DIAPH3: variants seen among roughly 807,000 people sequenced by gnomAD.
DIAPH3 encodes diaphanous related formin 3.
In DIAPH3, 117 loss-of-function variants were observed where a neutral mutation model predicts 144.3. That is an observed-to-expected ratio of 0.81 (90% CI 0.70 to 0.95). The LOEUF (loss-of-function observed/expected upper bound fraction) is 0.95. DIAPH3 is among the 40% of genes least tolerant of loss of function. The probability of loss-of-function intolerance (pLI) is 0.00; values close to 1 mark genes in which losing one functional copy is unlikely to be tolerated. For synonymous variants in DIAPH3, 519 were observed against 488.9 expected, an observed-to-expected ratio of 1.06 and a Z score of -0.81; for missense variants, 1,421 against 1,412.7, an observed-to-expected ratio of 1.01 and a Z score of -0.09.
intron 9 of DIAPH3, among the ~76,000 whole-genome samples, chr13:60,000,159 T>A (rs1321950601): frequency 6.6e-6 from 1 of 152,126 alleles, no homozygotes; most frequent in Non-Finnish European, 1.5e-5. Context: ...GAGACACCAA[T>A]AGCCTGGATT....
chr13:59,762,102 A>T (rs1272052774), intron 27 of DIAPH3, among the ~76,000 whole-genome samples: 2 of 115,142 alleles, frequency 1.7e-5, no homozygotes, highest in Admixed American at 1.3e-4. Context: ...CTCTGTTGCC[A>T]GGCTGAAGTG....
At position 59,987,282 on chromosome 13, in the gene DIAPH3, A is replaced by G. The variant is rs868177584; in HGVS notation, c.1362-3395T>C. 5.3e-5 allele frequency among the ~76,000 whole-genome samples: 8 copies of G among 151,022 alleles called. No individual in the cohort carries two copies. In the South Asian group the frequency reaches 1.7e-3, roughly 32 times the overall value. The stretch of plus-strand genomic sequence containing the variant: ...TAGGTGGGAACTGAACAATGAGATC[A>G]CATGGACACATGAAGGGGAATATCA... On this transcript the variant is annotated intron_variant, in intron 12 of 27. Coordinates refer to ENST00000400324, the MANE Select transcript of DIAPH3 (RefSeq NM_001042517.2).
intron 17 of DIAPH3, among the ~76,000 whole-genome samples, chr13:59,958,892 T>TG (rs2049573192): frequency 6.8e-6 from 1 of 147,410 alleles, no homozygotes; most frequent in African/African-American, 2.5e-5. Flanking sequence ...TTTTTTTTTT[T>TG]GAGATAGAGT....
chr13:59,869,112 G>A (rs547855396), intron 21 of DIAPH3, among the ~76,000 whole-genome samples: 7 of 152,136 alleles, frequency 4.6e-5, no homozygotes, highest in Non-Finnish European at 1.0e-4. Context: ...TTTGTTCTAC[G>A]TGTAGCTTTG....
chr13:59,924,550 G>C (rs1463803404), intron 18 of DIAPH3, among the ~76,000 whole-genome samples: 1 of 150,384 alleles, frequency 6.6e-6, no homozygotes. Flanking sequence ...ATGAAAGGTA[G>C]AATTTCATTT....
chr13:59,834,437 A>T (rs964323425), intron 23 of DIAPH3, among the ~76,000 whole-genome samples: 1 of 94,496 alleles, frequency 1.1e-5, no homozygotes, highest in Non-Finnish European at 2.1e-5. Context: ...CTAAAAATGG[A>T]ATTTTTATAT....
chr13:59,689,830 T>C (rs1253796281), intron 27 of DIAPH3, among the ~76,000 whole-genome samples: 1 of 151,736 alleles, frequency 6.6e-6, no homozygotes, highest in Non-Finnish European at 1.5e-5. Context: ...ATGCAAGTGA[T>C]GCTTTAAGTA....
chr13:59,896,256 G>C (rs1382509459), intron 20 of DIAPH3, among the ~76,000 whole-genome samples: 1 of 152,086 alleles, frequency 6.6e-6, no homozygotes, highest in Non-Finnish European at 1.5e-5. Flanking sequence ...AACATACTTT[G>C]TGAACTGTAA....
intron 20 of DIAPH3, among the ~76,000 whole-genome samples, chr13:59,910,326 G>A (rs1249161288): frequency 6.6e-6 from 1 of 151,998 alleles, no homozygotes; most frequent in Non-Finnish European, 1.5e-5. Flanking sequence ...GGGAAATAAA[G>A]AAAAAAGAAA....
intron 22 of DIAPH3, among the ~76,000 whole-genome samples, chr13:59,844,633 A>C (rs1291183254): frequency 1.3e-5 from 2 of 152,200 alleles, no homozygotes; most frequent in Admixed American, 1.3e-4. Flanking sequence ...TTTATCTTTC[A>C]ATCTTCTCAC....
chr13:59,768,110 C>T (rs1004766122), intron 27 of DIAPH3, among the ~76,000 whole-genome samples: 3 of 152,020 alleles, frequency 2.0e-5, no homozygotes, highest in Non-Finnish European at 4.4e-5. Flanking sequence ...TTTTACATTC[C>T]TAGCCTAAAA....
intron 27 of DIAPH3, among the ~76,000 whole-genome samples, chr13:59,751,698 C>T (rs2037015559): frequency 1.3e-5 from 2 of 152,138 alleles, no homozygotes; most frequent in Admixed American, 1.3e-4. Flanking sequence ...TGCAGGTCTT[C>T]TAAATAATTT....
In DIAPH3 at chr13:59,969,963, T is replaced by C. The variant is rs2050262142; in HGVS notation, c.2055A>G (p.Thr685=). The stretch of plus-strand genomic sequence containing the variant: ...ACTTACCTTTTTGTTGGCAACAAAA[T>C]GTATTCTCAAGTTTACAAAGCAAAT... ...NVDLLCKLEN[T]FCCQQKERRE... The change falls in exon 17 of 28, where the codon ACA becomes ACG. Residue 685 remains threonine (T), a synonymous_variant. Coordinates refer to ENST00000400324, the MANE Select transcript of DIAPH3 (RefSeq NM_001042517.2). The C allele has an allele frequency of 6.2e-7, 1 of 1,604,444 alleles. No homozygotes were observed. Among genetic ancestry groups the C allele is most frequent in the South Asian group, 1.1e-5 (1 of 89,498 alleles).
chr13:60,008,466 T>C (rs1020408039), intron 9 of DIAPH3, 78 bp downstream of exon 9: 1 of 879,152 alleles, frequency 1.1e-6, no homozygotes, highest in Non-Finnish European at 1.9e-6. Context: ...AACAATGTTT[T>C]CATATAAACC....
chr13:59,921,312 A>G (rs919618332), intron 18 of DIAPH3, among the ~76,000 whole-genome samples: 4 of 151,144 alleles, frequency 2.6e-5, no homozygotes, highest in Non-Finnish European at 5.9e-5. Context: ...CAAAAATTTC[A>G]TTTTTGGAAA....
intron 9 of DIAPH3, among the ~76,000 whole-genome samples, chr13:60,002,557 AGC>A (rs2052588755): frequency 6.6e-6 from 1 of 152,226 alleles, no homozygotes; most frequent in African/African-American, 2.4e-5. Context: ...GTCTTTTGAC[AGC>A]ACCAATAGAA....
intron 7 of DIAPH3, among the ~76,000 whole-genome samples, chr13:60,015,617 G>T (rs946096649): frequency 2.6e-5 from 4 of 151,852 alleles, no homozygotes; most frequent in Admixed American, 6.6e-5. Context: ...AGAAAGGGTG[G>T]TGGGTGGAGA....
At chr13:60,161,270 T>C (rs1384083661) in intron 1 of DIAPH3, among the ~76,000 whole-genome samples, 2 of 152,180 alleles carry the variant, frequency 1.3e-5, no homozygotes, top group Non-Finnish European at 2.9e-5. Context: ...AAGAACTAAC[T>C]TGACATCTGC....
chr13:59,848,473 C>G (rs972547532), intron 22 of DIAPH3, among the ~76,000 whole-genome samples: 2 of 150,822 alleles, frequency 1.3e-5, no homozygotes, highest in Non-Finnish European at 3.0e-5. Flanking sequence ...CCGCTCCCCC[C>G]ACCCCACCAC....
Sources: gnomAD v4.1 joint callset for allele counts (sites outside exome capture counted in the v4.1 genomes callset) on GRCh38, gnomAD v4.1.1 for gene constraint, MANE v1.5 for transcripts, NCBI Gene and HGNC (gene_info 2026-07-23, HGNC 2026-07-21) for gene names.